The following MBTD1 variants were observed in gnomAD, a reference collection of about 807,000 sequenced individuals.
MBTD1 encodes MBT domain-containing protein 1.
Under a neutral mutation model 87.8 loss-of-function variants are expected in MBTD1, and 24 were observed. The ratio of observed to expected loss-of-function variants is 0.27; its 90% confidence interval spans 0.20 to 0.38. MBTD1 has a LOEUF of 0.38. Among genes scored for constraint, MBTD1 ranks in the 10% least tolerant of loss-of-function variants. The pLI, the probability that MBTD1 is intolerant of heterozygous loss-of-function variation, is 1.00. For synonymous variants in MBTD1, 237 were observed against 248.6 expected, an observed-to-expected ratio of 0.95 and a Z score of 0.44; for missense variants, 436 against 760.2, an observed-to-expected ratio of 0.57 and a Z score of 5.02.
intron 13 of MBTD1, among the ~76,000 whole-genome samples, chr17:51,194,508 G>A (rs945405160): frequency 7.6e-5 from 10 of 130,792 alleles, no homozygotes; most frequent in Non-Finnish European, 1.4e-4. Flanking sequence ...GGCGGAGGCT[G>A]TAAAGAGGTG....
chr17:51,219,781 G>A (rs1474246242), intron 4 of MBTD1, among the ~76,000 whole-genome samples: 3 of 152,136 alleles, frequency 2.0e-5, no homozygotes, highest in African/African-American at 7.2e-5. Flanking sequence ...TTAGTCAAAT[G>A]GTCAAGTCTC....
chr17:51,199,271 G>T (rs2051321960), intron 12 of MBTD1, among the ~76,000 whole-genome samples: 1 of 151,410 alleles, frequency 6.6e-6, no homozygotes, highest in Non-Finnish European at 1.5e-5. Flanking sequence ...TAATTTTTTT[G>T]TATTTTTAGT....
intron 12 of MBTD1, among the ~76,000 whole-genome samples, chr17:51,201,226 A>G (rs957099659): frequency 3.3e-5 from 5 of 152,188 alleles, no homozygotes; most frequent in African/African-American, 1.2e-4. Flanking sequence ...AAAGCAGCAA[A>G]AACTACTACC....
chr17:51,191,135 G>A (rs1281853177), intron 16 of MBTD1, among the ~76,000 whole-genome samples: 1 of 151,966 alleles, frequency 6.6e-6, no homozygotes, highest in East Asian at 1.9e-4. Flanking sequence ...AAGAGAGAAA[G>A]CTATGGCTTT....
At chr17:51,253,385 C>T (rs1463668339) in intron 2 of MBTD1, among the ~76,000 whole-genome samples, 1 of 152,026 alleles carries the variant, frequency 6.6e-6, no homozygotes, top group East Asian at 1.9e-4. Flanking sequence ...AGGATGTTTG[C>T]TAATGTAATA....
rs2050240996 is a variant in MBTD1 at position 51,179,776 on chromosome 17, T to A, written c.*800A>T. On this transcript the variant is annotated 3_prime_UTR_variant, in exon 17 of 17. Transcript: ENST00000586178. ...AATCCCTTTCGTGGGGTATTTTTTTTAGAAAGGAAAATAAACTAAGGACAA... is the reference window on the plus strand; with the variant it reads ...AATCCCTTTCGTGGGGTATTTTTTTAAGAAAGGAAAATAAACTAAGGACAA... 1 of 151,702 alleles carries A rather than the reference T, an allele frequency of 6.6e-6. No homozygotes were observed. Among genetic ancestry groups the A allele is most frequent in the Non-Finnish European group, 1.5e-5 (1 of 67,900 alleles). The allele number at this position is 151,702 out of a possible 1,614,324, so 9.4% of individuals were successfully genotyped here.
At chr17:51,244,714 G>A (rs1174590210) in intron 2 of MBTD1, among the ~76,000 whole-genome samples, 1 of 151,448 alleles carries the variant, frequency 6.6e-6, no homozygotes, top group African/African-American at 2.4e-5. Context: ...GACCTCCTGT[G>A]TCCTTTTGAC....
intron 2 of MBTD1, among the ~76,000 whole-genome samples, chr17:51,225,803 C>T (rs1361155489): frequency 1.3e-5 from 2 of 149,548 alleles, no homozygotes; most frequent in South Asian, 2.1e-4. Context: ...TTTTGAGACT[C>T]GGTCTCACTC....
chr17:51,260,796 G>A (rs767855432), upstream of MBTD1: 7 of 1,580,612 alleles, frequency 4.4e-6, no homozygotes, highest in Non-Finnish European at 5.2e-6. Flanking sequence ...GAAGAGAGAC[G>A]GCTCCGGCAG....
chr17:51,241,863 G>C (rs2054180088), intron 2 of MBTD1, among the ~76,000 whole-genome samples: 1 of 152,198 alleles, frequency 6.6e-6, no homozygotes, highest in Non-Finnish European at 1.5e-5. Context: ...ACCATGCCCA[G>C]CCTACTTTTC....
At chr17:51,203,705 C>T in intron 8 of MBTD1, 86 bp downstream of exon 8, 1 of 1,444,072 alleles carries the variant, frequency 6.9e-7, no homozygotes, top group South Asian at 1.2e-5. Context: ...CCTTTAATTT[C>T]CATATTACTC....
chr17:51,260,579 C>T (rs752729183), upstream of MBTD1: 5 of 1,611,424 alleles, frequency 3.1e-6, no homozygotes, highest in Admixed American at 5.0e-5. Context: ...CTCCTCAAAC[C>T]TAACGATGCC....
intron 3 of MBTD1, 106 bp from the exon 4 acceptor site, chr17:51,220,569 A>C: frequency 8.9e-7 from 1 of 1,126,692 alleles, no homozygotes. Context: ...TTAATTAAAA[A>C]ATTTGCCTTG....
chr17:51,237,571 A>G (rs79497029), intron 2 of MBTD1, among the ~76,000 whole-genome samples: 2,767 of 152,332 alleles, frequency 0.018, 102 homozygotes, highest in African/African-American at 0.062. Flanking sequence ...CAACATGAAA[A>G]GATGCTCAAC....
At position 51,259,874 on chromosome 17, in the gene MBTD1, G is replaced by C; in HGVS notation, c.-152C>G. Reference sequence around the variant, plus strand: ...TTTCCATCAGGGCCTCATGGGTAGGGGTTGTCCGTGCTCCCCGAGCCCGCG... The same window carrying C: ...TTTCCATCAGGGCCTCATGGGTAGGCGTTGTCCGTGCTCCCCGAGCCCGCG... On this transcript the variant is annotated 5_prime_UTR_variant, in exon 1 of 17. Transcript: ENST00000586178. The C allele has an allele frequency of 8.1e-7, 1 of 1,231,938 alleles. No individual in the cohort carries two copies. The highest frequency in any genetic ancestry group is 1.0e-6 in the Non-Finnish European group (1 of 987,900). 76.3% of individuals were successfully genotyped at this position (1,231,938 alleles called of 1,614,324 possible). A position where few individuals can be genotyped will look rare whatever the true frequency, so the allele number is the denominator to read the frequency against.
At chr17:51,246,748 ACCTTAG>A (rs2054460322) in intron 2 of MBTD1, among the ~76,000 whole-genome samples, 1 of 151,780 alleles carries the variant, frequency 6.6e-6, no homozygotes, top group South Asian at 2.1e-4. Flanking sequence ...CAATTCTCCC[ACCTTAG>A]CCTCCTGAGT....
chr17:51,231,678 T>C (rs2053558451), intron 2 of MBTD1, among the ~76,000 whole-genome samples: 1 of 152,158 alleles, frequency 6.6e-6, no homozygotes. Flanking sequence ...AATAAACCCC[T>C]GGATGCACCC....
At chr17:51,241,571 T>C (rs1396640521) in intron 2 of MBTD1, among the ~76,000 whole-genome samples, 5 of 152,066 alleles carry the variant, frequency 3.3e-5, no homozygotes, top group Non-Finnish European at 7.4e-5. Flanking sequence ...TTTTTCAATG[T>C]TGTATTTTTT....
chr17:51,210,958 G>A (rs1293020385), intron 6 of MBTD1, among the ~76,000 whole-genome samples: 1 of 151,758 alleles, frequency 6.6e-6, no homozygotes, highest in Non-Finnish European at 1.5e-5. Context: ...CCAACAAGGT[G>A]AAACCCTGTC....
Sources: allele counts gnomAD v4.1 joint callset (sites outside exome capture counted in the v4.1 genomes callset), GRCh38; gene constraint gnomAD v4.1.1; transcripts MANE v1.5; gene names NCBI Gene and HGNC (gene_info 2026-07-23, HGNC 2026-07-21).